Variants in PCDHA1 observed in about 807,000 individuals in gnomAD.
The protein encoded by PCDHA1 is protocadherin alpha-1.
PCDHA1 carries 42 observed loss-of-function variants against 61.3 expected under a neutral mutation model. That is an observed-to-expected ratio of 0.69 (90% CI 0.54 to 0.89). PCDHA1 has a LOEUF of 0.89. PCDHA1 is among the 40% of genes least tolerant of loss of function. PCDHA1 has a pLI of 0.00. For missense variants in PCDHA1, 1,256 were observed against 1,235.3 expected, an observed-to-expected ratio of 1.02 and a Z score of -0.25; for synonymous variants, 610 against 553.8, an observed-to-expected ratio of 1.10 and a Z score of -1.43.
chr5:140,855,039 T>C lies in PCDHA1; in HGVS notation c.2394+66355T>C, dbSNP rs1287918149. ...AAACTTCTTGTATAAAGGATTTTTC[T>C]GTAATAGTACTTTTCTGTTTTCTTA... is the stretch of plus-strand genomic sequence containing the variant. On this transcript the variant is annotated intron_variant, in intron 1 of 3. Transcript: ENST00000504120. Among the ~76,000 whole-genome samples the C allele has an allele frequency of 2.0e-5, 3 of 150,016 alleles. 1 individual carries two copies. The highest frequency in any genetic ancestry group is 7.3e-5 in the African/African-American group (3 of 40,938).
rs782801879 is a variant in PCDHA1 at position 140,858,260 on chromosome 5, G to T, written c.2394+69576G>T. The T allele has an allele frequency of 2.0e-5, 32 of 1,597,092 alleles. 2 individuals carry two copies. The highest frequency in any genetic ancestry group is 2.7e-5 in the Non-Finnish European group (32 of 1,166,970). On this transcript the variant is annotated intron_variant, in intron 1 of 3. Coordinates refer to ENST00000504120, the MANE Select transcript of PCDHA1 (RefSeq NM_018900.4). ...ATGTGGGCCGGTGAAGCCCACGCTG[G>T]TGTGCTCTAGCGCGGTGGGGAGCTG...
At chr5:140,908,142 A>G (rs1371459142) in intron 1 of PCDHA1, among the ~76,000 whole-genome samples, 1 of 152,158 alleles carries the variant, frequency 6.6e-6, no homozygotes, top group Non-Finnish European at 1.5e-5. Flanking sequence ...TCCTTCAGGT[A>G]TGTCCTAGGA....
At chr5:140,938,876 A>AAC (rs142461507) in intron 1 of PCDHA1, among the ~76,000 whole-genome samples, 11 of 151,144 alleles carry the variant, frequency 7.3e-5, no homozygotes, top group South Asian at 2.1e-4. Context: ...GTTAAGAAGC[A>AAC]ACACACACAC....
chr5:140,920,282 T>C (rs1554199556), intron 1 of PCDHA1, among the ~76,000 whole-genome samples: 1 of 152,218 alleles, frequency 6.6e-6, no homozygotes, highest in African/African-American at 2.4e-5. Context: ...TAATCTTATA[T>C]TTTTTAGAGG....
At chr5:140,971,096 A>G (rs1240805149) in intron 1 of PCDHA1, among the ~76,000 whole-genome samples, 1 of 152,180 alleles carries the variant, frequency 6.6e-6, no homozygotes, top group African/African-American at 2.4e-5. Context: ...ATTCTTGTGA[A>G]GCCCTTTGGG....
chr5:140,887,239 G>A (rs1248062448), intron 1 of PCDHA1, among the ~76,000 whole-genome samples: 2 of 151,736 alleles, frequency 1.3e-5, no homozygotes, highest in Admixed American at 6.6e-5. Context: ...TGAGACTACC[G>A]GCGCCCGCCA....
chr5:140,903,902 A>G lies in PCDHA1; in HGVS notation c.2395-75047A>G, dbSNP rs548056424. Among the ~76,000 whole-genome samples the G allele has an allele frequency of 5.9e-5, 9 of 152,370 alleles. No individual in the cohort carries two copies. The South Asian group carries it at 1.9e-3, about 32-fold the overall frequency. On this transcript the variant is annotated intron_variant, in intron 1 of 3. Transcript: ENST00000504120. ...ACATTGAATCTTGACCTGTTTGTCA[A>G]TGATGTGACTTCCTTGCTGCATTGG...
intron 3 of PCDHA1, among the ~76,000 whole-genome samples, chr5:140,987,919 A>G (rs1441531471): frequency 1.3e-5 from 2 of 152,082 alleles, no homozygotes; most frequent in East Asian, 3.9e-4. Context: ...TATATTCTTA[A>G]TTGTCTCAAG....
chr5:140,829,400 G>A, intron 1 of PCDHA1: 1 of 1,614,056 alleles, frequency 6.2e-7, no homozygotes, highest in Non-Finnish European at 8.5e-7. Context: ...TTCGCTGTGG[G>A]CCACCGCCAG....
chr5:140,837,369 A>T (rs1477721585), intron 1 of PCDHA1, among the ~76,000 whole-genome samples: 2 of 151,978 alleles, frequency 1.3e-5, no homozygotes, highest in Non-Finnish European at 2.9e-5. Flanking sequence ...GTTTAATAGT[A>T]TTTTTTATTT....
At chr5:140,809,495 A>G (rs782500159) in intron 1 of PCDHA1, 2 of 1,614,238 alleles carry the variant, frequency 1.2e-6, no homozygotes, top group Admixed American at 1.7e-5. Flanking sequence ...GACCGACCTC[A>G]TGGCCTTCAG....
At chr5:140,798,934 T>G (rs1762377645) in intron 1 of PCDHA1, among the ~76,000 whole-genome samples, 1 of 152,216 alleles carries the variant, frequency 6.6e-6, no homozygotes, top group African/African-American at 2.4e-5. Context: ...AGAAATAACT[T>G]CCACTAGTGA....
intron 1 of PCDHA1, among the ~76,000 whole-genome samples, chr5:140,902,478 T>C (rs190206747): frequency 6.6e-6 from 1 of 152,312 alleles, no homozygotes; most frequent in African/African-American, 2.4e-5. Context: ...AGTTTTTGCC[T>C]GCTCAGTATG....
At chr5:140,800,673 A>T (rs191839009) in intron 1 of PCDHA1, among the ~76,000 whole-genome samples, 11 of 152,330 alleles carry the variant, frequency 7.2e-5, no homozygotes, top group Non-Finnish European at 1.3e-4. Flanking sequence ...TAAAAAGCGA[A>T]TAATATTAAA....
chr5:140,863,022 C>T (rs1339638342), intron 1 of PCDHA1: 3 of 554,506 alleles, frequency 5.4e-6, no homozygotes, highest in Non-Finnish European at 7.1e-6. Flanking sequence ...GCCTGGTTGT[C>T]GCAACAGCTG....
chr5:140,967,012 G>A, intron 1 of PCDHA1: 1 of 1,606,776 alleles, frequency 6.2e-7, no homozygotes, highest in Non-Finnish European at 8.5e-7. Flanking sequence ...TCAACCATCT[G>A]GGTGCGCCCA....
chr5:140,955,386 G>T (rs942993673), intron 1 of PCDHA1, among the ~76,000 whole-genome samples: 4 of 152,080 alleles, frequency 2.6e-5, no homozygotes, highest in African/African-American at 9.7e-5. Flanking sequence ...AATCATGGGG[G>T]CAATTATCCC....
chr5:140,986,572 G>T (rs1587171327), intron 3 of PCDHA1, among the ~76,000 whole-genome samples: 1 of 152,268 alleles, frequency 6.6e-6, no homozygotes, highest in East Asian at 1.9e-4. Context: ...TCTGTTATTG[G>T]TTTTTCCAGC....
rs148838866 is a variant in PCDHA1 at position 140,786,621 on chromosome 5, G to A, written c.331G>A (p.Asp111Asn). 47 of 1,614,260 alleles carry A rather than the reference G, an allele frequency of 2.9e-5. No homozygotes were observed. The African/African-American group carries it at 5.9e-4, about 20-fold the overall frequency. ...CAGCATCCACCTGGAGTTGATCGCC[G>A]ACAGGCCGCTGCAGGTTTTCCATGT... ...ECSIHLELIA[D>N]RPLQVFHVEV... Residue 111 changes from aspartate to asparagine, a missense_variant, in exon 1 of 4, where the codon GAC (aspartate) becomes AAC (asparagine). Physicochemically the swap from Asp to Asn is conservative, Grantham distance 23. Coordinates refer to ENST00000504120, the MANE Select transcript of PCDHA1 (RefSeq NM_018900.4).
Sources: allele counts gnomAD v4.1 joint callset (sites outside exome capture counted in the v4.1 genomes callset), GRCh38; gene constraint gnomAD v4.1.1; transcripts MANE v1.5; gene names NCBI Gene and HGNC (gene_info 2026-07-23, HGNC 2026-07-21).